The following TAFA2 variants were observed in gnomAD, a reference collection of about 807,000 sequenced individuals.
TAFA2 encodes the protein TAFA chemokine like family member 2.
In TAFA2, 7 loss-of-function variants were observed where a neutral mutation model predicts 18.8. The observed-to-expected ratio is 0.37, with a 90% CI of 0.21 to 0.70. The LOEUF (loss-of-function observed/expected upper bound fraction) is 0.70, where lower values mean the gene tolerates loss of function less well. Among genes scored for constraint, TAFA2 ranks in the 30% least tolerant of loss-of-function variants. The pLI is 0.53. For synonymous variants in TAFA2, 60 were observed against 54.2 expected (o/e 1.11, Z -0.47); for missense variants, 122 against 158.1 (o/e 0.77, Z 1.23).
At chr12:62,148,810 T>C (rs962022189) in intron 1 of TAFA2, among the ~76,000 whole-genome samples, 3 of 152,214 alleles carry the variant, frequency 2.0e-5, no homozygotes, top group Admixed American at 6.5e-5. Flanking sequence ...GTATACTCAA[T>C]TGGAATTCAG....
intron 1 of TAFA2, chr12:61,879,619 A>G (rs1467608446): frequency 3.7e-6 from 3 of 812,514 alleles, no homozygotes; most frequent in African/African-American, 3.3e-5. Flanking sequence ...AAGACATTCA[A>G]AACAAGTTTG....
intron 1 of TAFA2, among the ~76,000 whole-genome samples, chr12:62,123,594 A>G (rs1160102413): frequency 6.6e-6 from 1 of 152,082 alleles, no homozygotes; most frequent in South Asian, 2.1e-4. Flanking sequence ...ATTTTTCTTC[A>G]GAAGATGTAA....
intron 1 of TAFA2, among the ~76,000 whole-genome samples, chr12:62,212,999 A>G (rs956731491): frequency 6.6e-6 from 1 of 152,228 alleles, no homozygotes; most frequent in African/African-American, 2.4e-5. Flanking sequence ...TTCATATGCT[A>G]GTTCTAAAAA....
In TAFA2 at chr12:61,929,087, C is replaced by G. The variant is rs1183554341; in HGVS notation, c.-1-61661G>C. 2.0e-5 allele frequency among the ~76,000 whole-genome samples: 3 copies of G among 151,600 alleles called. No individual in the cohort carries two copies. In the East Asian group the frequency reaches 5.8e-4, roughly 29 times the overall value. ...ATGGGTTGATGGGTGCCGCAAACCA[C>G]TACAGCACATGTATACCTATGTAAC... On this transcript the variant is annotated intron_variant, in intron 1 of 4. Coordinates refer to ENST00000416284, the MANE Select transcript of TAFA2 (RefSeq NM_178539.5).
chr12:61,956,242 T>G (rs535565864), intron 1 of TAFA2, among the ~76,000 whole-genome samples: 1 of 152,254 alleles, frequency 6.6e-6, no homozygotes, highest in East Asian at 1.9e-4. Flanking sequence ...GCTTTATACA[T>G]GCTGATTTTC....
intron 1 of TAFA2, among the ~76,000 whole-genome samples, chr12:62,012,182 A>G (rs1880792617): frequency 6.6e-6 from 1 of 152,130 alleles, no homozygotes; most frequent in Admixed American, 6.5e-5. Context: ...AGAACTCCAA[A>G]CCACCTCATA....
chr12:62,012,703 C>G (rs567536518), intron 1 of TAFA2, among the ~76,000 whole-genome samples: 17 of 152,230 alleles, frequency 1.1e-4, no homozygotes, highest in Non-Finnish European at 1.8e-4. Context: ...TAAAACACAG[C>G]ACCCAAAATT....
At chr12:62,208,335 A>G (rs1239774520) in intron 1 of TAFA2, among the ~76,000 whole-genome samples, 1 of 152,200 alleles carries the variant, frequency 6.6e-6, no homozygotes, top group African/African-American at 2.4e-5. Flanking sequence ...GAGAAAAAAA[A>G]AAGCTGTTTC....
In TAFA2 at chr12:62,204,063, G is replaced by C. The variant is rs537764957; in HGVS notation, c.-130+54700C>G. Among the ~76,000 whole-genome samples the C allele has an allele frequency of 6.0e-4, 91 of 152,108 alleles. 1 individual carries two copies. Among genetic ancestry groups the C allele is most frequent in the Non-Finnish European group, 2.1e-4 (14 of 68,016 alleles). ...AAATTCCCTCAGCATTTGCTTGCCT[G>C]GAAAGGATCTTATTTCTCCTTTGCT... On this transcript the variant is annotated intron_variant, in intron 1 of 5. Coordinates refer to the TAFA2 transcript ENST00000551619.
At chr12:62,242,490 C>A in intron 1 of TAFA2, 2 of 153,252 alleles carry the variant, frequency 1.3e-5, no homozygotes, top group South Asian at 3.7e-4. Flanking sequence ...GCTGGACCAC[C>A]ACACTGGGTT....
At chr12:62,190,673 C>A (rs1006503649) in intron 1 of TAFA2, among the ~76,000 whole-genome samples, 2 of 152,084 alleles carry the variant, frequency 1.3e-5, no homozygotes, top group Non-Finnish European at 2.9e-5. Context: ...GATGAGGCTC[C>A]GGAAATTATC....
intron 1 of TAFA2, among the ~76,000 whole-genome samples, chr12:61,943,670 C>T (rs1000388049): frequency 3.9e-5 from 6 of 152,110 alleles, no homozygotes; most frequent in South Asian, 4.1e-4. Flanking sequence ...TCTGATAAAA[C>T]AGACTTTAAA....
chr12:62,091,362 G>A (rs1391155485), intron 1 of TAFA2, among the ~76,000 whole-genome samples: 1 of 151,968 alleles, frequency 6.6e-6, no homozygotes, highest in Admixed American at 6.6e-5. Flanking sequence ...TGTATCTACT[G>A]TATTAAATAC....
chr12:62,043,261 C>T (rs1881812055), intron 1 of TAFA2, among the ~76,000 whole-genome samples: 2 of 152,142 alleles, frequency 1.3e-5, no homozygotes, highest in South Asian at 4.1e-4. Context: ...GGCACATATA[C>T]ACCATGGAAT....
chr12:61,935,665 C>A (rs1021113323), intron 1 of TAFA2, among the ~76,000 whole-genome samples: 3 of 151,828 alleles, frequency 2.0e-5, no homozygotes, highest in African/African-American at 7.3e-5. Flanking sequence ...TTTGAAAGAT[C>A]AACTTTTGAA....
intron 1 of TAFA2, among the ~76,000 whole-genome samples, chr12:61,922,370 G>A (rs1398218373): frequency 6.6e-6 from 1 of 152,096 alleles, no homozygotes; most frequent in South Asian, 2.1e-4. Flanking sequence ...CACAGAAGGT[G>A]GGTGATTTCT....
chr12:61,888,618 G>A (rs939071548), intron 1 of TAFA2, among the ~76,000 whole-genome samples: 5 of 152,206 alleles, frequency 3.3e-5, no homozygotes, highest in African/African-American at 1.2e-4. Flanking sequence ...AATTCAGTGA[G>A]AGGGTGCGTT....
intron 1 of TAFA2, among the ~76,000 whole-genome samples, chr12:62,087,637 T>A (rs899280804): frequency 1.3e-5 from 2 of 152,086 alleles, no homozygotes; most frequent in South Asian, 4.1e-4. Context: ...CTACAAGGGA[T>A]AGGTAAGATG....
At chr12:61,842,553 A>C (rs35347989) in intron 2 of TAFA2, among the ~76,000 whole-genome samples, 1,904 of 152,172 alleles carry the variant, frequency 0.013, 20 homozygotes, top group South Asian at 0.036. Flanking sequence ...GATCCCATTT[A>C]AAAGATTCTC....
Sources: allele counts gnomAD v4.1 joint callset (sites outside exome capture counted in the v4.1 genomes callset), GRCh38; gene constraint gnomAD v4.1.1; transcripts MANE v1.5; gene names NCBI Gene and HGNC (gene_info 2026-07-23, HGNC 2026-07-21).